TMC7: variants seen among roughly 807,000 people sequenced by gnomAD.
TMC7 encodes the protein transmembrane channel like 7, also known as transmembrane channel-like protein 7.
In TMC7, 54 loss-of-function variants were observed where a neutral mutation model predicts 82.9. The ratio of observed to expected loss-of-function variants is 0.65; its 90% confidence interval spans 0.52 to 0.82. The LOEUF is 0.82. Ranked by LOEUF, TMC7 falls within the 40% of genes least tolerant of loss-of-function variation. TMC7 has a pLI of 0.00. For synonymous variants in TMC7, 350 were observed against 337.9 expected (o/e 1.04, Z -0.39); for missense variants, 820 against 901.2 (o/e 0.91, Z 1.15).
intron 12 of TMC7, among the ~76,000 whole-genome samples, chr16:19,050,116 A>C (rs1961458481): frequency 6.6e-6 from 1 of 152,088 alleles, no homozygotes; most frequent in Non-Finnish European, 1.5e-5. Context: ...TCATGCCTGT[A>C]ATCCCAGCAC....
At chr16:19,045,470 C>T (rs1464611308) in intron 11 of TMC7, 32 bp downstream of exon 11, 1 of 1,444,254 alleles carries the variant, frequency 6.9e-7, no homozygotes, top group Non-Finnish European at 9.8e-7. Context: ...ATTATCCCCC[C>T]CACCACACAC....
chr16:19,041,516 C>T (rs1961013697), intron 9 of TMC7, among the ~76,000 whole-genome samples: 1 of 152,098 alleles, frequency 6.6e-6, no homozygotes, highest in Non-Finnish European at 1.5e-5. Flanking sequence ...CAGGCACGGG[C>T]CACCATGCCT....
At chr16:19,034,435 A>C (rs1304033629) in intron 6 of TMC7, among the ~76,000 whole-genome samples, 1 of 151,896 alleles carries the variant, frequency 6.6e-6, no homozygotes, top group Non-Finnish European at 1.5e-5. Flanking sequence ...TGTCTCTACT[A>C]AAAATACAGA....
chr16:19,060,009 T>C, intron 15 of TMC7: 1 of 286,212 alleles, frequency 3.5e-6, no homozygotes, highest in South Asian at 3.8e-5. Flanking sequence ...GTGTATTAAG[T>C]ACCTACTCTG....
At chr16:19,058,163 G>A (rs1239929796) in intron 14 of TMC7, among the ~76,000 whole-genome samples, 1 of 152,014 alleles carries the variant, frequency 6.6e-6, no homozygotes, top group Admixed American at 6.6e-5. Context: ...AGGCCGAGGC[G>A]GGTGGATCAC....
chr16:18,984,166 C>T (rs1435802064), intron 1 of TMC7, 36 bp downstream of exon 1: 1 of 1,475,750 alleles, frequency 6.8e-7, no homozygotes, highest in Non-Finnish European at 8.9e-7. Flanking sequence ...GGACGGTGCC[C>T]CTGGGGTCCG....
At chr16:19,050,833 G>T (rs8047839) in intron 12 of TMC7, among the ~76,000 whole-genome samples, 135,283 of 152,108 alleles carry the variant, frequency 0.89, 61,276 homozygotes, top group Non-Finnish European at 0.97. Context: ...GGTATTTCAT[G>T]CTATATAGAT....
intron 1 of TMC7, among the ~76,000 whole-genome samples, chr16:18,993,739 A>G (rs1464877047): frequency 2.0e-5 from 3 of 152,156 alleles, no homozygotes; most frequent in African/African-American, 7.2e-5. Context: ...TTCTGCCCAT[A>G]TAACAGCATG....
chr16:19,044,574 C>G (rs575882235), intron 9 of TMC7, among the ~76,000 whole-genome samples: 1 of 151,620 alleles, frequency 6.6e-6, no homozygotes, highest in Non-Finnish European at 1.5e-5. Context: ...CCAAGACAGG[C>G]GGATTGCTTG....
intron 9 of TMC7, among the ~76,000 whole-genome samples, chr16:19,043,972 C>T (rs1252079109): frequency 1.3e-5 from 2 of 151,852 alleles, no homozygotes; most frequent in Non-Finnish European, 2.9e-5. Context: ...CAGATTCAAG[C>T]GATTCTCCTG....
chr16:18,983,950 T>G lies in TMC7; in HGVS notation c.-114T>G. 8.6e-7 allele frequency: 1 copy of G among 1,157,164 alleles called. No individual in the cohort carries two copies. The highest frequency in any genetic ancestry group is 1.1e-6 in the Non-Finnish European group (1 of 889,158). 71.7% of individuals were successfully genotyped at this position (1,157,164 alleles called of 1,614,324 possible). On this transcript the variant is annotated 5_prime_UTR_variant, in exon 1 of 16. An upstream start codon of the reference 5' UTR is lost. Transcript: ENST00000304381. Reference sequence around the variant, plus strand: ...GGGCGCCCCACTCCGGCTTCTGTGATGTCAGCGCCGGAACCTGGAATCCCG... The same window carrying G: ...GGGCGCCCCACTCCGGCTTCTGTGAGGTCAGCGCCGGAACCTGGAATCCCG...
chr16:19,018,829 T>C (rs1460667784), intron 3 of TMC7, among the ~76,000 whole-genome samples: 2 of 152,078 alleles, frequency 1.3e-5, no homozygotes, highest in Non-Finnish European at 2.9e-5. Flanking sequence ...ATTAGAAACA[T>C]TAAACATTTT....
chr16:19,021,550 G>C, intron 3 of TMC7, 79 bp from the exon 4 acceptor site: 1 of 1,475,474 alleles, frequency 6.8e-7, no homozygotes, highest in East Asian at 2.3e-5. Context: ...TCCAGCTTCA[G>C]CTTTTGTGGC....
At chr16:19,045,213 A>G (rs1961214477) in intron 10 of TMC7, 128 bp from the exon 11 acceptor site, 2 of 867,900 alleles carry the variant, frequency 2.3e-6, no homozygotes, top group Admixed American at 2.0e-5. Flanking sequence ...CAGAGTTTGC[A>G]TCAGCTGATG....
chr16:18,988,012 C>T (rs1312196362), intron 1 of TMC7, among the ~76,000 whole-genome samples: 2 of 152,138 alleles, frequency 1.3e-5, no homozygotes, highest in Non-Finnish European at 2.9e-5. Flanking sequence ...CTGATTTTAG[C>T]TGGACCTTGT....
At chr16:19,055,421 G>A (rs910690020) in intron 13 of TMC7, among the ~76,000 whole-genome samples, 3 of 152,110 alleles carry the variant, frequency 2.0e-5, no homozygotes, top group Admixed American at 6.6e-5. Context: ...ACAGTGGCCC[G>A]ATCTCGGCTC....
chr16:19,049,945 A>G (rs989323812), intron 12 of TMC7, among the ~76,000 whole-genome samples: 3 of 152,208 alleles, frequency 2.0e-5, no homozygotes, highest in Non-Finnish European at 4.4e-5. Flanking sequence ...CAATGGAAAT[A>G]CTTATTTTTA....
intron 3 of TMC7, among the ~76,000 whole-genome samples, chr16:19,019,240 A>G (rs138377001): frequency 2.6e-4 from 39 of 152,368 alleles, no homozygotes; most frequent in African/African-American, 8.7e-4. Context: ...GGAATGTAGT[A>G]GGATAAACAA....
chr16:19,001,868 A>G lies in TMC7; in HGVS notation c.68-7304A>G, dbSNP rs576986302. On this transcript the variant is annotated intron_variant, in intron 1 of 15. Coordinates refer to ENST00000304381, the MANE Select transcript of TMC7 (RefSeq NM_024847.4). ...CTGGCCCAGAGAGAGGATCCACGCAAGTTGTCAAACAGAACTAATTCCCAT... is the reference window on the plus strand; with the variant it reads ...CTGGCCCAGAGAGAGGATCCACGCAGGTTGTCAAACAGAACTAATTCCCAT... Among the ~76,000 whole-genome samples, 9 of 152,286 alleles carry G rather than the reference A, an allele frequency of 5.9e-5. No homozygotes were observed. In the South Asian group the frequency reaches 6.2e-4, roughly 11 times the overall value.
Sources: allele counts gnomAD v4.1 joint callset (sites outside exome capture counted in the v4.1 genomes callset), GRCh38; gene constraint gnomAD v4.1.1; transcripts MANE v1.5; gene names NCBI Gene and HGNC (gene_info 2026-07-23, HGNC 2026-07-21).